Variants in CTIF observed in about 807,000 individuals in gnomAD.
CTIF encodes cap binding complex dependent translation initiation factor.
A neutral mutation model predicts 66.0 loss-of-function variants in CTIF; 21 were observed. That is an observed-to-expected ratio of 0.32 (90% CI 0.23 to 0.46). The LOEUF is 0.46. Ranked by LOEUF, CTIF falls within the 20% of genes least tolerant of loss-of-function variation. CTIF has a pLI of 1.00. For synonymous variants in CTIF, 345 were observed against 326.4 expected (o/e 1.06, Z -0.62); for missense variants, 739 against 812.7 (o/e 0.91, Z 1.10).
At chr18:48,622,437 T>C (rs780663376) in intron 2 of CTIF, among the ~76,000 whole-genome samples, 1 of 151,952 alleles carries the variant, frequency 6.6e-6, no homozygotes, top group Non-Finnish European at 1.5e-5. Context: ...TCCATCTTCA[T>C]GGATCTTGAA....
At chr18:48,855,074 A>G (rs1265688752) in intron 10 of CTIF, among the ~76,000 whole-genome samples, 4 of 152,178 alleles carry the variant, frequency 2.6e-5, no homozygotes, top group Non-Finnish European at 5.9e-5. Flanking sequence ...TCTGCAGTGA[A>G]CTGTGCTGGC....
chr18:48,699,510 C>T (rs2092054065), intron 6 of CTIF, among the ~76,000 whole-genome samples: 2 of 152,154 alleles, frequency 1.3e-5, no homozygotes, highest in African/African-American at 4.8e-5. Flanking sequence ...GTGTCCTGGA[C>T]ACGGCCTGGG....
chr18:48,771,189 C>T (rs1443950197), intron 9 of CTIF, among the ~76,000 whole-genome samples: 1 of 152,174 alleles, frequency 6.6e-6, no homozygotes, highest in East Asian at 1.9e-4. Flanking sequence ...GAACATTTAC[C>T]ATGTGTCCCT....
chr18:48,722,287 C>A (rs2092345800), intron 7 of CTIF, among the ~76,000 whole-genome samples: 1 of 147,450 alleles, frequency 6.8e-6, no homozygotes, highest in African/African-American at 2.5e-5. Context: ...ACAATTATAG[C>A]TCACGACAGC....
rs533958567 is a variant in CTIF at position 48,848,747 on chromosome 18, C to G, written c.1528-8841C>G. ...GCCCGTGGCCCTTCCCCCAGGGACTCCAGGAGACTCCCACCAGGCTGCCTT... is the reference window on the plus strand; with the variant it reads ...GCCCGTGGCCCTTCCCCCAGGGACTGCAGGAGACTCCCACCAGGCTGCCTT... On this transcript the variant is annotated intron_variant, in intron 10 of 11. Transcript: ENST00000256413. Among the ~76,000 whole-genome samples, 181 of 152,318 alleles carry G rather than the reference C, an allele frequency of 1.2e-3. 1 individual carries two copies. Among genetic ancestry groups the G allele is most frequent in the African/African-American group, 4.2e-3 (173 of 41,570 alleles).
chr18:48,649,010 G>T (rs1386311012), intron 3 of CTIF, among the ~76,000 whole-genome samples: 1 of 152,186 alleles, frequency 6.6e-6, no homozygotes, highest in Non-Finnish European at 1.5e-5. Flanking sequence ...AATAGGAACA[G>T]CTCTGGTCTG....
intron 1 of CTIF, among the ~76,000 whole-genome samples, chr18:48,596,768 A>ACC (rs2089994818): frequency 6.6e-6 from 1 of 152,036 alleles, no homozygotes; most frequent in Non-Finnish European, 1.5e-5. Context: ...GAGCCACCGC[A>ACC]CATGTCTGGA....
intron 3 of CTIF, among the ~76,000 whole-genome samples, chr18:48,649,683 G>A (rs2091119500): frequency 6.6e-6 from 1 of 152,202 alleles, no homozygotes; most frequent in Non-Finnish European, 1.5e-5. Flanking sequence ...TAGCCTAACT[G>A]GGAAACACCT....
intron 1 of CTIF, among the ~76,000 whole-genome samples, chr18:48,594,471 C>T (rs1167307687): frequency 2.6e-5 from 4 of 152,058 alleles, no homozygotes; most frequent in Non-Finnish European, 4.4e-5. Flanking sequence ...ATGGAGTAGC[C>T]GGCAGAGGCC....
At chr18:48,578,988 A>G (rs1463050004) in intron 1 of CTIF, among the ~76,000 whole-genome samples, 2 of 152,172 alleles carry the variant, frequency 1.3e-5, no homozygotes, top group East Asian at 3.8e-4. Context: ...TCTGACATTT[A>G]GGTCTGTGGT....
rs188055421 is a variant in CTIF, at chr18:48,740,694, C to T, written c.585-17225C>T. Among the ~76,000 whole-genome samples, 341 of 152,328 alleles carry T rather than the reference C, an allele frequency of 2.2e-3. 2 individuals are homozygous for T. Among genetic ancestry groups the T allele is most frequent in the Middle Eastern group, 6.8e-3 (2 of 294 alleles). ...CTGCCTTGACTGTCACCTCTTCCCC[C>T]ACCACGCACCTTGTTCTTTTGTGTC... On this transcript the variant is annotated intron_variant, in intron 7 of 11. Transcript: ENST00000256413.
intron 1 of CTIF, among the ~76,000 whole-genome samples, chr18:48,613,508 G>A (rs2090346387): frequency 6.6e-6 from 1 of 152,120 alleles, no homozygotes; most frequent in South Asian, 2.1e-4. Flanking sequence ...GGTGGGGAGG[G>A]GACGCTAGTG....
intron 9 of CTIF, among the ~76,000 whole-genome samples, chr18:48,810,955 T>C (rs1181726369): frequency 3.9e-5 from 6 of 152,094 alleles, no homozygotes; most frequent in African/African-American, 1.4e-4. Context: ...TCAGTTCTGC[T>C]AGTGGTTACT....
intron 6 of CTIF, among the ~76,000 whole-genome samples, chr18:48,680,627 C>G (rs1169701055): frequency 1.3e-5 from 2 of 152,264 alleles, no homozygotes; most frequent in African/African-American, 4.8e-5. Context: ...CTTGCCGTCC[C>G]TGTCCTTCAG....
At chr18:48,798,552 T>C (rs193196503) in intron 9 of CTIF, among the ~76,000 whole-genome samples, 6 of 152,336 alleles carry the variant, frequency 3.9e-5, no homozygotes, top group Non-Finnish European at 7.4e-5. Flanking sequence ...CCGAGTCCCA[T>C]GAAGTAACTG....
At chr18:48,824,423 G>T (rs966265694) in intron 10 of CTIF, among the ~76,000 whole-genome samples, 1 of 152,110 alleles carries the variant, frequency 6.6e-6, no homozygotes, top group Non-Finnish European at 1.5e-5. Context: ...AACATGCCAG[G>T]CTGTGGGTCT....
At chr18:48,691,394 T>C (rs2091923212) in intron 6 of CTIF, among the ~76,000 whole-genome samples, 1 of 152,146 alleles carries the variant, frequency 6.6e-6, no homozygotes, top group African/African-American at 2.4e-5. Context: ...AAGGGCTTTG[T>C]ATTTTCCCAT....
intron 9 of CTIF, among the ~76,000 whole-genome samples, chr18:48,800,255 G>A (rs541139361): frequency 3.9e-5 from 6 of 152,284 alleles, no homozygotes; most frequent in African/African-American, 7.2e-5. Context: ...TCAAGTCAAC[G>A]TGAGTCCCCA....
rs377178616 is a variant in CTIF, at chr18:48,711,710, G to A, written c.584+15G>A. On this transcript the variant is annotated intron_variant, in intron 7 of 11. Transcript: ENST00000256413. ...AATGATCGAAGGTAGGAGAGACTTC[G>A]TCGTGAGCTTTGGGTTTTCCTTTCC... The A allele has an allele frequency of 4.4e-5, 71 of 1,610,390 alleles. 2 individuals carry two copies. The highest frequency in any genetic ancestry group is 1.7e-4 in the African/African-American group (13 of 74,938).
Sources: gnomAD v4.1 joint callset for allele counts (sites outside exome capture counted in the v4.1 genomes callset) on GRCh38, gnomAD v4.1.1 for gene constraint, MANE v1.5 for transcripts, NCBI Gene and HGNC (gene_info 2026-07-23, HGNC 2026-07-21) for gene names.